The following DSP variants were observed in gnomAD, a reference collection of about 807,000 sequenced individuals.
The protein encoded by DSP is desmoplakin, also known as 250/210 kDa paraneoplastic pemphigus antigen.
In DSP, 114 loss-of-function variants were observed where a neutral mutation model predicts 290.6. That is an observed-to-expected ratio of 0.39 (90% confidence interval 0.34 to 0.46). The LOEUF (loss-of-function observed/expected upper bound fraction) is 0.46. Among genes scored for constraint, DSP ranks in the 20% least tolerant of loss-of-function variants. The pLI is 0.99. For synonymous variants in DSP, 1,311 were observed against 1,316.4 expected, an observed-to-expected ratio of 1.00 and a Z score of 0.09; for missense variants, 3,230 against 3,495.8, an observed-to-expected ratio of 0.92 and a Z score of 1.92.
At chr6:7,553,984 G>A (rs943721430) in intron 1 of DSP, among the ~76,000 whole-genome samples, 3 of 152,082 alleles carry the variant, frequency 2.0e-5, no homozygotes, top group African/African-American at 7.2e-5. Context: ...AGGTGCTTCG[G>A]GAGAATTCCC....
intron 11 of DSP, 25 bp downstream of exon 11, chr6:7,568,614 A>G (rs1561688043): frequency 6.2e-7 from 1 of 1,612,742 alleles, no homozygotes; most frequent in Admixed American, 1.7e-5. Context: ...AGAATGATAC[A>G]AAAGTTTTCC....
chr6:7,576,456 G>A lies in DSP; in HGVS notation c.2793G>A (p.Lys931=). 1 of 1,613,994 alleles carries A rather than the reference G, an allele frequency of 6.2e-7. No homozygotes were observed. Among genetic ancestry groups the A allele is most frequent in the South Asian group, 1.1e-5 (1 of 91,076 alleles). ...TCATGCGGTTTTTGAATGAGCAGAA[G>A]GTATAAGCCAACTTTTTGTTCCATA... is the stretch of plus-strand genomic sequence containing the variant. ...NTVMRFLNEQ[K]NLHSEISGKR... Residue 931 remains lysine (K), a splice_region_variant and synonymous_variant, in exon 19 of 24, where the codon AAG becomes AAA. Transcript: ENST00000379802.
At position 7,543,421 on chromosome 6, in the gene DSP, A is replaced by G. The variant is rs545588068; in HGVS notation, c.170+1336A>G. ...TTTTTTTTTTTTTTTTTTTTGAGTT[A>G]GCAAAGAATTGTCTCAATCTTGGAG... is the stretch of plus-strand genomic sequence containing the variant. On this transcript the variant is annotated intron_variant, in intron 1 of 23. Coordinates refer to ENST00000379802, the MANE Select transcript of DSP (RefSeq NM_004415.4). Among the ~76,000 whole-genome samples, 140 of 92,468 alleles carry G rather than the reference A, an allele frequency of 1.5e-3. 2 individuals are homozygous for G. The highest frequency in any genetic ancestry group is 6.0e-3 in the African/African-American group (138 of 22,924). The allele number at this position is 92,468 out of a possible 152,430, so 60.7% of individuals were successfully genotyped here.
rs185213858 is a variant in DSP, at chr6:7,584,378, C to T, written c.7116C>T (p.Ile2372=). Residue 2372 remains isoleucine (I), a synonymous_variant, in exon 24 of 24, where the codon ATC becomes ATT. Coordinates refer to ENST00000379802, the MANE Select transcript of DSP (RefSeq NM_004415.4). The surrounding 1 kb of genome is among the most constrained non-coding windows in gnomAD (Gnocchi z 6.4). The part of the protein sequence containing the change: ...GHGIRLLEAQ[I]ATGGIIDPKE... ...GTATTCGCTTATTAGAAGCACAGATCGCAACCGGGGGGATCATTGACCCAA... is the reference window on the plus strand; with the variant it reads ...GTATTCGCTTATTAGAAGCACAGATTGCAACCGGGGGGATCATTGACCCAA... The T allele has an allele frequency of 1.9e-5, 31 of 1,614,068 alleles. No individual in the cohort carries two copies. The highest frequency in any genetic ancestry group is 1.6e-4 in the Middle Eastern group (1 of 6,062).
chr6:7,583,515 C>G lies in DSP; in HGVS notation c.6253C>G (p.Gln2085Glu). ...RDLIDFDDRQ[Q>E]IYAAEKAITG... is the part of the protein sequence containing the mutation. ...CCTCATTGACTTCGATGACCGTCAGCAGATATATGCAGCAGAAAAAGCTAT... is the reference window on the plus strand; with the variant it reads ...CCTCATTGACTTCGATGACCGTCAGGAGATATATGCAGCAGAAAAAGCTAT... Residue 2085 changes from glutamine to glutamate, a missense_variant, in exon 24 of 24, where the codon CAG becomes GAG. This residue lies in a region of DSP where 1,714 missense variants were observed against 1,844.5 expected (regional missense o/e 0.93). Transcript: ENST00000379802. The surrounding 1 kb of genome is among the most constrained non-coding windows in gnomAD (Gnocchi z 4.0). 4.3e-6 allele frequency: 7 copies of G among 1,614,102 alleles called. No homozygotes were observed. The highest frequency in any genetic ancestry group is 5.9e-6 in the Non-Finnish European group (7 of 1,180,024).
rs1759341863 is a variant in DSP at position 7,579,326 on chromosome 6, G to A, written c.3136G>A (p.Asp1046Asn). 1.2e-6 allele frequency: 2 copies of A among 1,614,084 alleles called. No individual in the cohort carries two copies. Among genetic ancestry groups the A allele is most frequent in the Middle Eastern group, 1.6e-4 (1 of 6,084 alleles). ...GGAAGAGGAGCTCAGACTGGCCCGA[G>A]ATGCCAACTCGGAAAACTGTAATAA... Reference protein sequence around the residue: ...VLEEELRLARDANSENCNKNK... With the variant: ...VLEEELRLARNANSENCNKNK... The change falls in exon 23 of 24, where the codon GAT becomes AAT. Residue 1046 changes from aspartate to asparagine, a missense_variant. Coordinates refer to ENST00000379802, the MANE Select transcript of DSP (RefSeq NM_004415.4). The surrounding 1 kb of genome is among the most constrained non-coding windows in gnomAD (Gnocchi z 4.1).
chr6:7,554,880 C>T (rs1435701970), intron 1 of DSP, among the ~76,000 whole-genome samples: 5 of 152,034 alleles, frequency 3.3e-5, no homozygotes, highest in Non-Finnish European at 7.3e-5. Context: ...GTCTCCAACT[C>T]CTAGACTTAA....
chr6:7,576,282 A>G lies in DSP; in HGVS notation c.2631-12A>G, dbSNP rs911323204. 3 of 1,613,094 alleles carry G rather than the reference A, an allele frequency of 1.9e-6. No homozygotes were observed. The highest frequency in any genetic ancestry group is 2.2e-5 in the East Asian group (1 of 44,854). On this transcript the variant is annotated splice_polypyrimidine_tract_variant and intron_variant, in intron 18 of 23. Transcript: ENST00000379802. Reference sequence around the variant, plus strand: ...ATAAGATAATGATTTTATTGTATCTATTTCCCCCCAGGTTATGGGACCTGG... The same window carrying G: ...ATAAGATAATGATTTTATTGTATCTGTTTCCCCCCAGGTTATGGGACCTGG...
intron 1 of DSP, among the ~76,000 whole-genome samples, chr6:7,554,127 C>CACACACACACACT (rs1171658955): frequency 4.2e-5 from 1 of 23,968 alleles, no homozygotes; most frequent in Admixed American, 4.2e-4. Flanking sequence ...ACACACACAC[C>CACACACACACACT]CAGTTGGTTA....
rs879254352 is a variant in DSP at position 7,585,336 on chromosome 6, CAGAA to C, written c.8077_8080del (p.Lys2693ProfsTer3). The stretch of plus-strand genomic sequence containing the variant: ...CATGGCCACCAGGCTGAAGCCTGCT[CAGAA>C]AGCCTTCATAGGCTTCGAGGGTGTG... On this transcript the variant is annotated frameshift_variant, in exon 24 of 24. Transcript: ENST00000379802. LOFTEE classifies it high-confidence loss of function. The C allele has an allele frequency of 9.3e-6, 15 of 1,614,100 alleles. No homozygotes were observed. Among genetic ancestry groups the C allele is most frequent in the Non-Finnish European group, 1.2e-5 (14 of 1,180,040 alleles).
chr6:7,570,754 T>TATGAGAG (rs761782414), intron 13 of DSP, among the ~76,000 whole-genome samples, 191 bp downstream of exon 13: 9 of 152,126 alleles, frequency 5.9e-5, no homozygotes, highest in Non-Finnish European at 8.8e-5. Flanking sequence ...TATGGCTGAT[T>TATGAGAG]ATGAGAGAAA....
At position 7,583,679 on chromosome 6, in the gene DSP, C is replaced by T; in HGVS notation, c.6417C>T (p.Asn2139=). Residue 2139 remains asparagine, a synonymous_variant, in exon 24 of 24, where the codon AAC becomes AAT. Coordinates refer to ENST00000379802, the MANE Select transcript of DSP (RefSeq NM_004415.4). The surrounding 1 kb of genome is among the most constrained non-coding windows in gnomAD (Gnocchi z 4.0). ...CAGGGGGTGTAGTAGACCCTGTGAA[C>T]AGTGTCTTTTTGCCAAAAGATGTCG... ...IASGGVVDPV[N]SVFLPKDVAL... is the part of the protein sequence containing the mutation. 6.2e-7 allele frequency: 1 copy of T among 1,614,154 alleles called. No individual in the cohort carries two copies. Among genetic ancestry groups the T allele is most frequent in the African/African-American group, 1.3e-5 (1 of 75,032 alleles).
In DSP at chr6:7,566,484, A is replaced by C. The variant is rs765089914; in HGVS notation, c.1044+3A>C. The C allele has an allele frequency of 2.5e-6, 4 of 1,610,484 alleles. No individual in the cohort carries two copies. The highest frequency in any genetic ancestry group is 3.4e-6 in the Non-Finnish European group (4 of 1,177,092). ...ATCCAGCTTCAGACAAAATTGAGGT[A>C]GGCTTCATGAGGTTTATATTTTTGT... On this transcript the variant is annotated splice_donor_region_variant and intron_variant, in intron 8 of 23. Transcript: ENST00000379802.
chr6:7,568,498 A>T lies in DSP; in HGVS notation c.1328A>T (p.Lys443Met), dbSNP rs1310729323. 1 of 1,614,176 alleles carries T rather than the reference A, an allele frequency of 6.2e-7. No individual in the cohort carries two copies. The highest frequency in any genetic ancestry group is 1.1e-5 in the South Asian group (1 of 91,084). The change falls in exon 11 of 24, where the codon AAG becomes ATG. Residue 443 changes from lysine (K) to methionine (M), a missense_variant. Lys to Met is a moderately conservative substitution (Grantham distance 95). Transcript: ENST00000379802. ...GTGCAGAACTTGGTAAACAAGTCTA[A>T]GAAGATTGTACAGCTGAAGCCTCGT... ...RQVQNLVNKS[K>M]KIVQLKPRNP...
chr6:7,541,997 T>G lies in DSP; in HGVS notation c.82T>G (p.Tyr28Asp), dbSNP rs766454930. 6.3e-6 allele frequency: 10 copies of G among 1,599,206 alleles called. No individual in the cohort carries two copies. Among genetic ancestry groups the G allele is most frequent in the Non-Finnish European group, 8.5e-6 (10 of 1,174,208 alleles). The part of the protein sequence containing the change: ...IRAESGPDLR[Y>D]EVTSGGGGTS... ...CGCCGAGTCTGGCCCGGACCTGCGC[T>G]ACGAGGTGACCAGCGGCGGCGGGGG... The change falls in exon 1 of 24, where the codon TAC (tyrosine) becomes GAC (aspartate). Residue 28 changes from tyrosine (Y) to aspartate (D), a missense_variant. By Grantham distance (160) the Tyr-to-Asp change is radical. Coordinates refer to ENST00000379802, the MANE Select transcript of DSP (RefSeq NM_004415.4).
intron 23 of DSP, 141 bp downstream of exon 23, chr6:7,581,710 T>G: frequency 3.4e-6 from 4 of 1,190,822 alleles, no homozygotes; most frequent in Middle Eastern, 2.9e-4. Context: ...TACTACTTCC[T>G]GTCATAATCC....
At position 7,567,856 on chromosome 6, in the gene DSP, G is replaced by A. The variant is rs1758911711; in HGVS notation, c.1216G>A (p.Asp406Asn). 4 of 1,613,928 alleles carry A rather than the reference G, an allele frequency of 2.5e-6. No individual in the cohort carries two copies. Among genetic ancestry groups the A allele is most frequent in the African/African-American group, 1.3e-5 (1 of 74,890 alleles). ...QDSIRKKYPCDKNMPLQHLLE... is the reference protein window; with the variant it reads ...QDSIRKKYPCNKNMPLQHLLE... ...CTCCATCAGGAAGAAGTACCCCTGCGACAAGAACATGCCCCTGCAGCACCT... is the reference window on the plus strand; with the variant it reads ...CTCCATCAGGAAGAAGTACCCCTGCAACAAGAACATGCCCCTGCAGCACCT... The change falls in exon 10 of 24, where the codon GAC becomes AAC. Residue 406 changes from aspartate to asparagine, a missense_variant. By Grantham distance (23) the Asp-to-Asn change is conservative. Coordinates refer to ENST00000379802, the MANE Select transcript of DSP (RefSeq NM_004415.4).
chr6:7,578,697 T>C (rs1046905002), intron 22 of DSP, 135 bp downstream of exon 22: 2 of 710,768 alleles, frequency 2.8e-6, no homozygotes, highest in Admixed American at 5.1e-5. Context: ...AGTGTAATAC[T>C]GCTTGTTTGT....
chr6:7,557,732 G>A (rs1229859687), intron 2 of DSP, among the ~76,000 whole-genome samples: 1 of 148,518 alleles, frequency 6.7e-6, no homozygotes, highest in South Asian at 2.1e-4. Context: ...GTTCTCATAA[G>A]GTATAGGAAA....
Sources: gnomAD v4.1 joint callset for allele counts (sites outside exome capture counted in the v4.1 genomes callset) on GRCh38, gnomAD v4.1.1 for gene constraint, gnomAD v4.1.1 regional missense constraint, Gnocchi (gnomAD v3.1) non-coding constraint, MANE v1.5 for transcripts, NCBI Gene and HGNC (gene_info 2026-07-23, HGNC 2026-07-21) for gene names.